Variants in FAM135B observed in about 807,000 individuals in gnomAD.
FAM135B encodes protein FAM135B.
FAM135B carries 43 observed loss-of-function variants against 127.7 expected under a neutral mutation model. The observed-to-expected ratio is 0.34, with a 90% CI of 0.26 to 0.43. FAM135B has a LOEUF of 0.43. Ranked by LOEUF, FAM135B falls within the 20% of genes least tolerant of loss-of-function variation. The pLI, the probability that FAM135B is intolerant of heterozygous loss-of-function variation, is 1.00. For synonymous variants in FAM135B, 670 were observed against 665.1 expected, an observed-to-expected ratio of 1.01 and a Z score of -0.11; for missense variants, 1,558 against 1,725.6, an observed-to-expected ratio of 0.90 and a Z score of 1.72.
intron 12 of FAM135B, among the ~76,000 whole-genome samples, chr8:138,157,752 A>T (rs991255988): frequency 6.6e-6 from 1 of 152,218 alleles, no homozygotes; most frequent in Admixed American, 6.5e-5. Context: ...GACATGTAGG[A>T]TCTCTTCAAG....
At chr8:138,344,154 G>A (rs986765020) in intron 2 of FAM135B, among the ~76,000 whole-genome samples, 1 of 152,162 alleles carries the variant, frequency 6.6e-6, no homozygotes, top group Non-Finnish European at 1.5e-5. Flanking sequence ...AGGATTTGAG[G>A]TATCTTACGA....
At chr8:138,314,296 C>G (rs1826910953) in intron 2 of FAM135B, among the ~76,000 whole-genome samples, 1 of 152,118 alleles carries the variant, frequency 6.6e-6, no homozygotes, top group Admixed American at 6.5e-5. Context: ...CTCTATTTCC[C>G]CCAGGAACAG....
At chr8:138,359,974 A>G (rs1326949549) in intron 2 of FAM135B, among the ~76,000 whole-genome samples, 2 of 152,170 alleles carry the variant, frequency 1.3e-5, no homozygotes, top group Non-Finnish European at 2.9e-5. Flanking sequence ...CAGCTCTGAT[A>G]ATACTGATTA....
intron 8 of FAM135B, among the ~76,000 whole-genome samples, chr8:138,197,142 T>C (rs1354427136): frequency 1.3e-5 from 2 of 151,870 alleles, no homozygotes; most frequent in African/African-American, 4.8e-5. Context: ...TTATGAGGAT[T>C]GTTTTACACT....
chr8:138,232,741 T>A (rs1422832699), intron 7 of FAM135B, among the ~76,000 whole-genome samples: 1 of 152,214 alleles, frequency 6.6e-6, no homozygotes, highest in Non-Finnish European at 1.5e-5. Context: ...ATAACTTGTG[T>A]TTTTATGTTT....
Position 138,152,740 on chromosome 8 carries a change from T to C in FAM135B, c.1735A>G (p.Arg579Gly), listed in dbSNP as rs2130780048. ...AATCCATACTTATCTCTAGAGCTCCTACTCTCATGCTGAGCATTGAAGGCC... is the reference window on the plus strand; with the variant it reads ...AATCCATACTTATCTCTAGAGCTCCCACTCTCATGCTGAGCATTGAAGGCC... ...LVAFNAQHES[R>G]SSRDKYGLDR... The change falls in exon 13 of 20, where the codon AGG (arginine) becomes GGG (glycine). Residue 579 changes from arginine (R) to glycine (G), a missense_variant. Around this residue, in one of 5 missense-constraint regions of FAM135B, gnomAD observed 923 missense variants for 865.3 expected, o/e 1.07. Transcript: ENST00000395297. The C allele has an allele frequency of 1.2e-6, 2 of 1,614,200 alleles. No individual in the cohort carries two copies. Among genetic ancestry groups the C allele is most frequent in the Non-Finnish European group, 1.7e-6 (2 of 1,180,020 alleles).
chr8:138,351,683 C>A (rs966658503), intron 2 of FAM135B, among the ~76,000 whole-genome samples: 5 of 109,468 alleles, frequency 4.6e-5, no homozygotes, highest in African/African-American at 1.0e-4. Context: ...TAGGGCAGAT[C>A]TTTTTTTTTT....
intron 1 of FAM135B, among the ~76,000 whole-genome samples, chr8:138,493,911 A>G (rs1454860575): frequency 6.6e-6 from 1 of 152,258 alleles, no homozygotes; most frequent in African/African-American, 2.4e-5. Context: ...CTGAGATTAA[A>G]TCTAGGCTAT....
intron 12 of FAM135B, among the ~76,000 whole-genome samples, chr8:138,160,396 T>C (rs1819247889): frequency 6.6e-6 from 1 of 151,756 alleles, no homozygotes; most frequent in African/African-American, 2.4e-5. Context: ...TATTTATTTA[T>C]TTTTTCTTTT....
intron 1 of FAM135B, chr8:138,437,791 AC>A (rs1835534599): frequency 6.6e-6 from 1 of 152,186 alleles, no homozygotes; most frequent in Non-Finnish European, 1.5e-5. Flanking sequence ...TGAGAACACA[AC>A]ACACTACCAC....
At chr8:138,206,265 C>A (rs1817569227) in intron 7 of FAM135B, among the ~76,000 whole-genome samples, 2 of 151,758 alleles carry the variant, frequency 1.3e-5, no homozygotes, top group Non-Finnish European at 3.0e-5. Flanking sequence ...ACACACAGCT[C>A]TATCATCCCC....
chr8:138,446,097 C>G (rs202038840), intron 1 of FAM135B, among the ~76,000 whole-genome samples: 1,916 of 152,098 alleles, frequency 0.013, 26 homozygotes, highest in Non-Finnish European at 0.022. Flanking sequence ...CAACTTACAA[C>G]GGATGTGAAG....
At position 138,243,187 on chromosome 8, in the gene FAM135B, T is replaced by C. The variant is rs1820979025; in HGVS notation, c.543-119A>G. Reference sequence around the variant, plus strand: ...TTTGGGATAAGTCATTTAGGAGTAGTTCACCCCCTAGGGAGTGTTTGCATG... The same window carrying C: ...TTTGGGATAAGTCATTTAGGAGTAGCTCACCCCCTAGGGAGTGTTTGCATG... On this transcript the variant is annotated intron_variant, in intron 6 of 19. Transcript: ENST00000395297. This position sits in a 1 kb window ranked among gnomAD's most constrained non-coding sequence, Gnocchi z 7.5. 7 of 1,215,924 alleles carry C rather than the reference T, an allele frequency of 5.8e-6. No homozygotes were observed. Among genetic ancestry groups the C allele is most frequent in the Non-Finnish European group, 7.8e-6 (7 of 892,942 alleles). The allele number at this position is 1,215,924 out of a possible 1,614,324, so 75.3% of individuals were successfully genotyped here. A position where few individuals can be genotyped will look rare whatever the true frequency, so the allele number is the denominator to read the frequency against.
At chr8:138,406,504 T>A (rs1833503496) in intron 1 of FAM135B, among the ~76,000 whole-genome samples, 1 of 151,278 alleles carries the variant, frequency 6.6e-6, no homozygotes, top group Admixed American at 6.6e-5. Context: ...GATGCAAAAA[T>A]CCTCAATAAA....
At chr8:138,158,068 C>T (rs1235218242) in intron 12 of FAM135B, among the ~76,000 whole-genome samples, 1 of 152,140 alleles carries the variant, frequency 6.6e-6, no homozygotes, top group East Asian at 1.9e-4. Context: ...GCTACAGTAA[C>T]CAAAACAGCA....
rs555913582 is a variant in FAM135B at position 138,380,707 on chromosome 8, T to A, written c.-19-12705A>T. ...ATTCTTGGTGGTCAAAGTTTTTACA[T>A]CCATGATTTCATCTGATCACAGAAA... On this transcript the variant is annotated intron_variant, in intron 1 of 19. Transcript: ENST00000395297. 3.3e-5 allele frequency among the ~76,000 whole-genome samples: 5 copies of A among 151,192 alleles called. No individual in the cohort carries two copies. In the South Asian group the frequency reaches 1.1e-3, roughly 32 times the overall value.
At chr8:138,154,678 G>A (rs1818536765) in intron 12 of FAM135B, among the ~76,000 whole-genome samples, 1 of 151,998 alleles carries the variant, frequency 6.6e-6, no homozygotes, top group Non-Finnish European at 1.5e-5. Context: ...TCAATCAAGT[G>A]GAAGAAAGGG....
intron 1 of FAM135B, among the ~76,000 whole-genome samples, chr8:138,368,913 GTTGCATAAAGTA>G (rs1388287274): frequency 6.6e-6 from 1 of 152,166 alleles, no homozygotes; most frequent in Non-Finnish European, 1.5e-5. Context: ...TATTCTTGGT[GTTGCATAAAGTA>G]TTCCATGTAA....
intron 2 of FAM135B, among the ~76,000 whole-genome samples, chr8:138,353,083 TC>T (rs1216343935): frequency 6.6e-6 from 1 of 152,156 alleles, no homozygotes; most frequent in Non-Finnish European, 1.5e-5. Context: ...ATCACATCAC[TC>T]CCCTACTTGA....
Sources: gnomAD v4.1 joint callset for allele counts (sites outside exome capture counted in the v4.1 genomes callset) on GRCh38, gnomAD v4.1.1 for gene constraint, gnomAD v4.1.1 regional missense constraint, Gnocchi (gnomAD v3.1) non-coding constraint, MANE v1.5 for transcripts, NCBI Gene and HGNC (gene_info 2026-07-23, HGNC 2026-07-21) for gene names.